Variants in NAALADL2 observed in about 807,000 individuals in gnomAD.
The protein encoded by NAALADL2 is inactive N-acetylated-alpha-linked acidic dipeptidase-like protein 2.
Under a neutral mutation model 87.2 loss-of-function variants are expected in NAALADL2, and 76 were observed. The observed-to-expected ratio is 0.87, with a 90% CI of 0.72 to 1.05. NAALADL2 has a LOEUF of 1.05. Among genes scored for constraint, NAALADL2 ranks in the 50% least tolerant of loss-of-function variants. The pLI, the probability that NAALADL2 is intolerant of heterozygous loss-of-function variation, is 0.00. For synonymous variants in NAALADL2, 354 were observed against 331.0 expected, an observed-to-expected ratio of 1.07 and a Z score of -0.75; for missense variants, 1,089 against 945.8, an observed-to-expected ratio of 1.15 and a Z score of -1.99.
chr3:174,554,538 C>T (rs921943874), intron 2 of NAALADL2, among the ~76,000 whole-genome samples: 7 of 149,548 alleles, frequency 4.7e-5, no homozygotes, highest in Admixed American at 6.7e-5. Context: ...TTAATGTTTC[C>T]TCCATTGTTA....
At chr3:175,667,215 GA>G (rs1181954127) in intron 11 of NAALADL2, among the ~76,000 whole-genome samples, 1 of 122,452 alleles carries the variant, frequency 8.2e-6, no homozygotes. Context: ...AAGAAAGAAA[GA>G]AAGAAAGAAA....
chr3:175,104,530 T>A (rs531917922), intron 2 of NAALADL2, among the ~76,000 whole-genome samples: 4 of 152,274 alleles, frequency 2.6e-5, no homozygotes, highest in African/African-American at 9.6e-5. Flanking sequence ...TTATTGTTGT[T>A]CCTATTATTA....
At chr3:174,997,637 G>A (rs1199033088) in intron 1 of NAALADL2, among the ~76,000 whole-genome samples, 2 of 152,048 alleles carry the variant, frequency 1.3e-5, no homozygotes, top group Non-Finnish European at 2.9e-5. Context: ...CCAGCCTGGT[G>A]AAACATTGTT....
At chr3:175,223,667 T>A (rs997292747) in intron 2 of NAALADL2, among the ~76,000 whole-genome samples, 5 of 152,186 alleles carry the variant, frequency 3.3e-5, no homozygotes, top group Non-Finnish European at 7.3e-5. Flanking sequence ...TATATAAAAA[T>A]TTGAATCCAG....
At chr3:174,980,599 A>G (rs1389820805) in intron 1 of NAALADL2, among the ~76,000 whole-genome samples, 6 of 152,240 alleles carry the variant, frequency 3.9e-5, no homozygotes, top group Non-Finnish European at 7.3e-5. Flanking sequence ...TATTATAAGT[A>G]TAATTTTAAT....
chr3:174,663,042 G>A (rs1725649821), intron 2 of NAALADL2, among the ~76,000 whole-genome samples: 1 of 152,102 alleles, frequency 6.6e-6, no homozygotes, highest in Non-Finnish European at 1.5e-5. Flanking sequence ...AGATAATAAT[G>A]TAACAATTGT....
chr3:174,668,713 T>A lies in NAALADL2; in HGVS notation c.-114-68928T>A, dbSNP rs186897441. Among the ~76,000 whole-genome samples, 554 of 152,304 alleles carry A rather than the reference T, an allele frequency of 3.6e-3. 1 individual carries two copies. Among genetic ancestry groups the A allele is most frequent in the African/African-American group, 0.013 (535 of 41,560 alleles). Reference sequence around the variant, plus strand: ...TGCAATAGTTTGCTGAGAATGATGGTTTCCAGCTTCATCCATGTCCCTACA... The same window carrying A: ...TGCAATAGTTTGCTGAGAATGATGGATTCCAGCTTCATCCATGTCCCTACA... On this transcript the variant is annotated intron_variant, in intron 2 of 3. Transcript: ENST00000434257.
At chr3:175,018,995 C>T (rs779754550) in intron 1 of NAALADL2, among the ~76,000 whole-genome samples, 2 of 152,042 alleles carry the variant, frequency 1.3e-5, no homozygotes, top group Non-Finnish European at 1.5e-5. Flanking sequence ...AAACCACCTC[C>T]TGCTTTCTTC....
chr3:174,793,187 G>A (rs981797862), intron 3 of NAALADL2, among the ~76,000 whole-genome samples: 1 of 152,026 alleles, frequency 6.6e-6, no homozygotes, highest in African/African-American at 2.4e-5. Context: ...TCTTTTATGA[G>A]ACAAACTTAT....
chr3:175,722,666 C>T (rs1310836894), intron 11 of NAALADL2, among the ~76,000 whole-genome samples: 2 of 152,152 alleles, frequency 1.3e-5, no homozygotes, highest in Non-Finnish European at 2.9e-5. Flanking sequence ...CTACCAGACT[C>T]TTCATAGCCT....
intron 1 of NAALADL2, among the ~76,000 whole-genome samples, chr3:175,041,129 A>C (rs1560505854): frequency 6.6e-6 from 1 of 152,288 alleles, no homozygotes; most frequent in East Asian, 1.9e-4. Context: ...CTGAAAAGTC[A>C]CTTTTCATGC....
intron 5 of NAALADL2, among the ~76,000 whole-genome samples, chr3:175,409,623 A>T (rs961496283): frequency 6.6e-6 from 1 of 151,900 alleles, no homozygotes; most frequent in African/African-American, 2.4e-5. Context: ...TTTTTTTACC[A>T]ATCTCCCTCC....
intron 4 of NAALADL2, among the ~76,000 whole-genome samples, chr3:175,303,949 G>A (rs1238956087): frequency 6.6e-6 from 1 of 151,962 alleles, no homozygotes; most frequent in Non-Finnish European, 1.5e-5. Flanking sequence ...TTCTGTGCCC[G>A]AAATCTTTGT....
At chr3:175,766,795 C>T (rs1430861365) in intron 13 of NAALADL2, among the ~76,000 whole-genome samples, 1 of 152,120 alleles carries the variant, frequency 6.6e-6, no homozygotes, top group African/African-American at 2.4e-5. Context: ...TTTCCAATTG[C>T]TGTGTAAATC....
rs184240472 is a variant in NAALADL2, at chr3:174,656,907, C to T, written c.-114-80734C>T. 4.6e-5 allele frequency among the ~76,000 whole-genome samples: 7 copies of T among 152,018 alleles called. 1 individual carries two copies. The East Asian group carries it at 9.7e-4, about 21-fold the overall frequency. ...CTCACCCCACTTTCTTTCGGCACCT[C>T]GAAAAGAGTAAGTTAGGATAAATCT... On this transcript the variant is annotated intron_variant, in intron 2 of 3. Coordinates refer to the NAALADL2 transcript ENST00000434257.
intron 2 of NAALADL2, among the ~76,000 whole-genome samples, chr3:174,675,674 C>G (rs886317016): frequency 3.2e-4 from 49 of 152,128 alleles, no homozygotes; most frequent in East Asian, 3.9e-4. Flanking sequence ...CCAAGTGATT[C>G]TCTATAGAGA....
intron 2 of NAALADL2, among the ~76,000 whole-genome samples, chr3:175,168,609 A>G (rs1734325819): frequency 6.6e-6 from 1 of 151,854 alleles, no homozygotes; most frequent in Admixed American, 6.6e-5. Context: ...TCAATTCTAA[A>G]TTATTCATGT....
chr3:174,636,521 A>G (rs1274413324), intron 2 of NAALADL2, among the ~76,000 whole-genome samples: 1 of 152,136 alleles, frequency 6.6e-6, no homozygotes, highest in East Asian at 1.9e-4. Context: ...CTCAGAAGAA[A>G]ACATACAAAT....
chr3:174,441,408 G>A (rs990899787), intron 1 of NAALADL2, among the ~76,000 whole-genome samples: 5 of 152,118 alleles, frequency 3.3e-5, no homozygotes, highest in Non-Finnish European at 7.4e-5. Context: ...CTTCTGACAC[G>A]TTCACACACG....
Sources: allele counts gnomAD v4.1 joint callset (sites outside exome capture counted in the v4.1 genomes callset), GRCh38; gene constraint gnomAD v4.1.1; transcripts MANE v1.5; gene names NCBI Gene and HGNC (gene_info 2026-07-23, HGNC 2026-07-21).